ASTN2: variants seen among roughly 807,000 people sequenced by gnomAD.
ASTN2 encodes the protein astrotactin-2.
A neutral mutation model predicts 139.8 loss-of-function variants in ASTN2; 54 were observed. The ratio of observed to expected loss-of-function variants is 0.39; its 90% confidence interval spans 0.31 to 0.48. The LOEUF is 0.48. Among genes scored for constraint, ASTN2 ranks in the 20% least tolerant of loss-of-function variants. The probability of loss-of-function intolerance (pLI) is 0.95; values close to 1 mark genes in which losing one functional copy is unlikely to be tolerated. For synonymous variants in ASTN2, 756 were observed against 719.5 expected (o/e 1.05, Z -0.81); for missense variants, 1,565 against 1,725.1 (o/e 0.91, Z 1.64).
chr9:117,135,135 A>C (rs545192783), intron 4 of ASTN2, among the ~76,000 whole-genome samples: 1 of 152,344 alleles, frequency 6.6e-6, no homozygotes, highest in Admixed American at 6.5e-5. Context: ...GGTAGGTATA[A>C]TTTCACAGCT....
chr9:117,367,818 G>T (rs779754646), intron 1 of ASTN2, among the ~76,000 whole-genome samples: 1 of 152,084 alleles, frequency 6.6e-6, no homozygotes, highest in Non-Finnish European at 1.5e-5. Flanking sequence ...GTTATTTTTA[G>T]CTTCAGTTAG....
chr9:116,803,481 AATATATATATATATATATATATATAT>A (rs1168011369), intron 13 of ASTN2, among the ~76,000 whole-genome samples: 2 of 80,110 alleles, frequency 2.5e-5, no homozygotes, highest in African/African-American at 4.1e-5. Context: ...AAGTTCGAAT[AATATATATATATATATATATATATAT>A]ATATATATAT....
At chr9:116,950,289 G>A (rs1835521741) in intron 10 of ASTN2, among the ~76,000 whole-genome samples, 1 of 152,154 alleles carries the variant, frequency 6.6e-6, no homozygotes, top group Admixed American at 6.5e-5. Context: ...CCCTTGGGGT[G>A]GAGGTGGGAA....
chr9:116,546,286 GT>G (rs565896300), intron 19 of ASTN2: 4 of 152,218 alleles, frequency 2.6e-5, no homozygotes, highest in African/African-American at 9.6e-5. Flanking sequence ...ATTCCTTATG[GT>G]TTTCACAGCA....
chr9:116,964,595 G>A (rs1016482663), intron 10 of ASTN2, among the ~76,000 whole-genome samples: 2 of 152,150 alleles, frequency 1.3e-5, no homozygotes, highest in Non-Finnish European at 2.9e-5. Context: ...TAAAAAATAT[G>A]CGTCAGAAGA....
chr9:117,296,171 G>A (rs552293692), intron 1 of ASTN2, among the ~76,000 whole-genome samples: 15 of 150,680 alleles, frequency 1.0e-4, no homozygotes, highest in South Asian at 2.1e-4. Context: ...CCAGCTACTC[G>A]GAAGGCTGAG....
intron 19 of ASTN2, among the ~76,000 whole-genome samples, chr9:116,571,338 C>G (rs1418073477): frequency 1.3e-5 from 2 of 152,208 alleles, no homozygotes; most frequent in Non-Finnish European, 2.9e-5. Context: ...ATCTGGACTC[C>G]AGCCCTCCTT....
At chr9:116,713,987 T>A (rs746892156) in intron 16 of ASTN2, among the ~76,000 whole-genome samples, 32 of 152,160 alleles carry the variant, frequency 2.1e-4, no homozygotes, top group Non-Finnish European at 4.4e-4. Context: ...ATGGAAATAA[T>A]AATTTGGACC....
intron 20 of ASTN2, among the ~76,000 whole-genome samples, chr9:116,445,537 A>G (rs1847961285): frequency 6.6e-6 from 1 of 152,186 alleles, no homozygotes; most frequent in African/African-American, 2.4e-5. Context: ...TTCACCCAAG[A>G]GGGCCCAGGG....
intron 17 of ASTN2, among the ~76,000 whole-genome samples, chr9:116,623,786 A>G (rs1856296842): frequency 6.6e-6 from 1 of 152,160 alleles, no homozygotes. Flanking sequence ...GACTTGAACT[A>G]AAGCCCATTT....
At chr9:117,411,188 T>A (rs1831149356) in intron 1 of ASTN2, among the ~76,000 whole-genome samples, 1 of 152,160 alleles carries the variant, frequency 6.6e-6, no homozygotes, top group Non-Finnish European at 1.5e-5. Context: ...CCACTCCATA[T>A]ATGTTATGTA....
At chr9:117,045,440 G>A (rs1227588203) in intron 5 of ASTN2, among the ~76,000 whole-genome samples, 1 of 151,972 alleles carries the variant, frequency 6.6e-6, no homozygotes, top group Non-Finnish European at 1.5e-5. Context: ...TTCCACCCGG[G>A]CATATTGATT....
intron 5 of ASTN2, among the ~76,000 whole-genome samples, chr9:117,074,674 A>AG (rs1464867370): frequency 1.3e-5 from 2 of 152,210 alleles, no homozygotes; most frequent in African/African-American, 2.4e-5. Flanking sequence ...CCACAGTAGC[A>AG]GCTGCTTTGA....
At chr9:117,089,625 T>C (rs886324048) in intron 5 of ASTN2, among the ~76,000 whole-genome samples, 16 of 152,140 alleles carry the variant, frequency 1.1e-4, no homozygotes, top group Admixed American at 4.6e-4. Context: ...GGTTCACCCA[T>C]CACCTGAGCA....
chr9:116,782,623 G>T (rs1371240152), intron 13 of ASTN2, among the ~76,000 whole-genome samples: 4 of 152,142 alleles, frequency 2.6e-5, no homozygotes, highest in Admixed American at 6.5e-5. Flanking sequence ...AAAGAGATCT[G>T]CATACTTGCC....
chr9:116,748,423 G>A (rs1259988329), intron 13 of ASTN2, among the ~76,000 whole-genome samples: 1 of 152,110 alleles, frequency 6.6e-6, no homozygotes. Context: ...ATCCCCGAGG[G>A]GTCTAGCTGC....
At chr9:116,619,076 A>G (rs1038524800) in intron 18 of ASTN2, among the ~76,000 whole-genome samples, 2 of 152,124 alleles carry the variant, frequency 1.3e-5, no homozygotes, top group African/African-American at 4.8e-5. Flanking sequence ...AGGTCACACA[A>G]CAAGCTGAAG....
At chr9:116,473,446 A>G (rs1197973483) in intron 20 of ASTN2, among the ~76,000 whole-genome samples, 1 of 152,244 alleles carries the variant, frequency 6.6e-6, no homozygotes, top group East Asian at 1.9e-4. Context: ...TTGTTACGTC[A>G]GATGATGGGG....
intron 3 of ASTN2, among the ~76,000 whole-genome samples, chr9:117,188,369 G>A (rs559466170): frequency 6.6e-6 from 1 of 152,072 alleles, no homozygotes; most frequent in South Asian, 2.1e-4. Flanking sequence ...GGAGTTTTCC[G>A]AAGTTGCCTG....
Sources: gnomAD v4.1 joint callset for allele counts (sites outside exome capture counted in the v4.1 genomes callset) on GRCh38, gnomAD v4.1.1 for gene constraint, MANE v1.5 for transcripts, NCBI Gene and HGNC (gene_info 2026-07-23, HGNC 2026-07-21) for gene names.